BCAR3: variants seen among roughly 807,000 people sequenced by gnomAD.
BCAR3 encodes the protein BCAR3 adaptor protein, NSP family member, also known as breast cancer anti-estrogen resistance protein 3.
In BCAR3, 37 loss-of-function variants were observed where a neutral mutation model predicts 80.1. The ratio of observed to expected loss-of-function variants is 0.46; its 90% confidence interval spans 0.36 to 0.61. The LOEUF (loss-of-function observed/expected upper bound fraction) is 0.61. Ranked by LOEUF, BCAR3 falls within the 20% of genes least tolerant of loss-of-function variation. The pLI is 0.00. For synonymous variants in BCAR3, 389 were observed against 418.9 expected (o/e 0.93, Z 0.87); for missense variants, 978 against 1,068.2 (o/e 0.92, Z 1.18).
chr1:93,785,843 T>C (rs1215164910), intron 2 of BCAR3, among the ~76,000 whole-genome samples: 1 of 152,210 alleles, frequency 6.6e-6, no homozygotes, highest in East Asian at 1.9e-4. Context: ...ACTTTATGAA[T>C]TCCTGAAACA....
intron 2 of BCAR3, among the ~76,000 whole-genome samples, chr1:93,810,192 C>CAAAAAAAAAAAAAAA (rs111305058): frequency 1.4e-4 from 14 of 98,854 alleles, no homozygotes; most frequent in East Asian, 3.4e-4. Context: ...GACTCCATCT[C>CAAAAAAAAAAAAAAA]AAAAAAAAAA....
chr1:93,715,725 C>T (rs1162090061), intron 2 of BCAR3, among the ~76,000 whole-genome samples: 1 of 152,238 alleles, frequency 6.6e-6, no homozygotes, highest in African/African-American at 2.4e-5. Context: ...GACAGCACTT[C>T]TTCCCTCACG....
intron 3 of BCAR3, among the ~76,000 whole-genome samples, chr1:93,690,363 T>C (rs1183667263): frequency 6.6e-6 from 1 of 152,260 alleles, no homozygotes; most frequent in Admixed American, 6.5e-5. Context: ...GCTTACTATG[T>C]GCCTGGTACT....
At chr1:93,736,589 T>C (rs1322917379) in intron 2 of BCAR3, among the ~76,000 whole-genome samples, 1 of 152,224 alleles carries the variant, frequency 6.6e-6, no homozygotes, top group Non-Finnish European at 1.5e-5. Flanking sequence ...ATATGTGTGA[T>C]TCCTTTGCAT....
chr1:93,581,285 T>C (rs973778825), intron 7 of BCAR3, among the ~76,000 whole-genome samples: 1 of 152,248 alleles, frequency 6.6e-6, no homozygotes, highest in East Asian at 1.9e-4. Flanking sequence ...ATATTACACA[T>C]GCAATTATTT....
intron 2 of BCAR3, among the ~76,000 whole-genome samples, chr1:93,833,473 A>T (rs1654648252): frequency 6.6e-6 from 1 of 152,196 alleles, no homozygotes; most frequent in Non-Finnish European, 1.5e-5. Context: ...AATCCTAGCA[A>T]GCCTGGGAGC....
intron 3 of BCAR3, among the ~76,000 whole-genome samples, chr1:93,698,098 G>A (rs1649487154): frequency 6.6e-6 from 1 of 152,242 alleles, no homozygotes; most frequent in South Asian, 2.1e-4. Context: ...CTACGGCGGA[G>A]GCAGGAGAAG....
At chr1:93,573,630 ATTATTTTTT>A (rs1264148992) in intron 8 of BCAR3, among the ~76,000 whole-genome samples, 11 of 139,116 alleles carry the variant, frequency 7.9e-5, no homozygotes, top group East Asian at 3.9e-4. Flanking sequence ...TATTATTATT[ATTATTTTTT>A]TTTTTTTGAG....
intron 2 of BCAR3, among the ~76,000 whole-genome samples, chr1:93,649,961 T>G (rs765261105): frequency 4.0e-5 from 6 of 151,574 alleles, no homozygotes; most frequent in Non-Finnish European, 8.8e-5. Flanking sequence ...TGGACAGAAG[T>G]GTTCCATCCA....
chr1:93,642,547 G>C lies in BCAR3; in HGVS notation c.318-204C>G, dbSNP rs113519543. Among the ~76,000 whole-genome samples the C allele has an allele frequency of 7.2e-5, 11 of 152,256 alleles. 1 individual carries two copies. Among genetic ancestry groups the C allele is most frequent in the African/African-American group, 2.6e-4 (11 of 41,540 alleles). On this transcript the variant is annotated intron_variant, in intron 2 of 11. Transcript: ENST00000260502. ...TCTAGAAGCTCCCACATGCTTTCCT[G>C]TCAAATTCAGGCCCCAGAATGTTAG...
intron 3 of BCAR3, among the ~76,000 whole-genome samples, chr1:93,611,326 T>C (rs1674940550): frequency 6.6e-6 from 1 of 152,202 alleles, no homozygotes; most frequent in Non-Finnish European, 1.5e-5. Flanking sequence ...GGCTTATGCA[T>C]GGACTTTACA....
intron 2 of BCAR3, among the ~76,000 whole-genome samples, chr1:93,725,717 A>G (rs996590574): frequency 1.3e-5 from 2 of 152,196 alleles, no homozygotes; most frequent in African/African-American, 4.8e-5. Context: ...TTCTCTCTAA[A>G]AGTTTTAAAG....
chr1:93,732,002 C>T (rs919857486), intron 2 of BCAR3, among the ~76,000 whole-genome samples: 10 of 152,208 alleles, frequency 6.6e-5, no homozygotes, highest in African/African-American at 1.7e-4. Flanking sequence ...GGAAACAAGA[C>T]CAAAAACAGC....
chr1:93,572,103 G>A (rs1426163540), intron 8 of BCAR3, among the ~76,000 whole-genome samples: 1 of 152,170 alleles, frequency 6.6e-6, no homozygotes, highest in East Asian at 1.9e-4. Flanking sequence ...TTCAACCCTG[G>A]ACCTGGGGGC....
intron 2 of BCAR3, among the ~76,000 whole-genome samples, chr1:93,822,041 T>C (rs1180893689): frequency 3.9e-5 from 6 of 152,062 alleles, no homozygotes; most frequent in Non-Finnish European, 8.8e-5. Context: ...GGGATATGCT[T>C]GAAGAGAGTG....
At chr1:93,833,126 A>C (rs1476587426) in intron 2 of BCAR3, among the ~76,000 whole-genome samples, 1 of 152,162 alleles carries the variant, frequency 6.6e-6, no homozygotes, top group African/African-American at 2.4e-5. Flanking sequence ...AAAAGAAAGA[A>C]ATTTTACAGC....
At chr1:93,768,138 G>A (rs1443113581) in intron 2 of BCAR3, among the ~76,000 whole-genome samples, 1 of 152,180 alleles carries the variant, frequency 6.6e-6, no homozygotes, top group Non-Finnish European at 1.5e-5. Context: ...AGGGCTGTCG[G>A]ATTAGAGTCA....
intron 3 of BCAR3, among the ~76,000 whole-genome samples, chr1:93,631,823 G>A (rs1316738965): frequency 6.6e-6 from 1 of 152,164 alleles, no homozygotes; most frequent in Non-Finnish European, 1.5e-5. Context: ...CACCTCCAGA[G>A]GGCAGCTCCA....
intron 2 of BCAR3, among the ~76,000 whole-genome samples, chr1:93,757,668 G>A (rs957888415): frequency 6.6e-6 from 1 of 152,156 alleles, no homozygotes; most frequent in Non-Finnish European, 1.5e-5. Flanking sequence ...CCTCCTCTGG[G>A]TCATTCATTC....
Sources: gnomAD v4.1 joint callset for allele counts (sites outside exome capture counted in the v4.1 genomes callset) on GRCh38, gnomAD v4.1.1 for gene constraint, MANE v1.5 for transcripts, NCBI Gene and HGNC (gene_info 2026-07-23, HGNC 2026-07-21) for gene names.